The following DST variants were observed in gnomAD, a reference collection of about 807,000 sequenced individuals.
DST encodes the protein dystonin.
A neutral mutation model predicts 875.2 loss-of-function variants in DST; 253 were observed. That is an observed-to-expected ratio of 0.29 (90% confidence interval 0.26 to 0.32). The LOEUF is 0.32. Among genes scored for constraint, DST ranks in the 10% least tolerant of loss-of-function variants. The pLI is 1.00. For missense variants in DST, 8,287 were observed against 9,111.6 expected (o/e 0.91, Z 3.68); for synonymous variants, 3,124 against 3,197.1 (o/e 0.98, Z 0.77).
intron 36 of DST, chr6:56,615,755 T>C (rs2098607934): frequency 6.2e-7 from 1 of 1,614,080 alleles, no homozygotes; most frequent in Non-Finnish European, 8.5e-7. Context: ...TAACCGAGAG[T>C]GAACCTGTGG....
In DST at chr6:56,639,458, A is replaced by T. The variant is rs776009921; in HGVS notation, c.2851T>A (p.Tyr951Asn). ...ACAAAGGGTGTACTTACAGCATGAT[A>T]ATCTTTTTTCCTAGCTATGTTGGTG... is the stretch of plus-strand genomic sequence containing the variant. ...RNTNIARKKD[Y>N]HAELMRELDQ... is the part of the protein sequence containing the mutation. The change falls in exon 21 of 104, where the codon TAT becomes AAT. Residue 951 changes from tyrosine to asparagine, a missense_variant. Physicochemically the swap from Tyr to Asn is moderately radical, Grantham distance 143. Around this residue, in one of 10 missense-constraint regions of DST, gnomAD observed 1,160 missense variants for 1,424.3 expected, o/e 0.81. Transcript: ENST00000680361. 1 of 1,613,810 alleles carries T rather than the reference A, an allele frequency of 6.2e-7. No individual in the cohort carries two copies. The highest frequency in any genetic ancestry group is 8.5e-7 in the Non-Finnish European group (1 of 1,179,886).
Position 56,494,193 on chromosome 6 carries a change from A to ATAT in DST, c.20224-14_20224-13insATA. 6.3e-7 allele frequency: 1 copy of ATAT among 1,590,334 alleles called. No homozygotes were observed. The highest frequency in any genetic ancestry group is 8.6e-7 in the Non-Finnish European group (1 of 1,167,182). ...CAGCACAGACTTCCTAAATTGAGAT[A>ATAT]CCCTCAAGTTATATCACTTTAAGAA... is the stretch of plus-strand genomic sequence containing the variant. On this transcript the variant is annotated splice_polypyrimidine_tract_variant and intron_variant, in intron 82 of 103. Coordinates refer to ENST00000680361, the MANE Select transcript of DST (RefSeq NM_001374736.1).
At chr6:56,875,046 C>T (rs1052384051) in intron 3 of DST, among the ~76,000 whole-genome samples, 5 of 152,204 alleles carry the variant, frequency 3.3e-5, no homozygotes, top group Non-Finnish European at 7.3e-5. Flanking sequence ...TGCAGTGGCG[C>T]GATCTCCGCT....
rs1408526958 is a variant in DST, at chr6:56,463,556, G to C, written c.22959+9C>G. 5 of 1,557,904 alleles carry C rather than the reference G, an allele frequency of 3.2e-6. No homozygotes were observed. Among genetic ancestry groups the C allele is most frequent in the Non-Finnish European group, 4.3e-6 (5 of 1,153,870 alleles). ...AAGGTGGAGGAAAAGTCTTCATCCT[G>C]AGTCTTACCTTGGGTGTGGTGGTGG... On this transcript the variant is annotated intron_variant, in intron 101 of 103. Coordinates refer to ENST00000680361, the MANE Select transcript of DST (RefSeq NM_001374736.1).
At chr6:56,698,830 CA>C (rs1355232151) in intron 9 of DST, among the ~76,000 whole-genome samples, 1 of 152,104 alleles carries the variant, frequency 6.6e-6, no homozygotes, top group Non-Finnish European at 1.5e-5. Flanking sequence ...ATTTTAGATT[CA>C]GGGGGTACAA....
intron 55 of DST, among the ~76,000 whole-genome samples, chr6:56,565,124 T>C (rs974298019): frequency 2.0e-5 from 3 of 148,888 alleles, no homozygotes; most frequent in Admixed American, 6.6e-5. Flanking sequence ...TTTTTTTTTT[T>C]CTTTTTTTTT....
intron 3 of DST, among the ~76,000 whole-genome samples, chr6:56,879,472 GAA>G (rs34105940): frequency 7.1e-6 from 1 of 140,150 alleles, no homozygotes; most frequent in African/African-American, 2.6e-5. Flanking sequence ...CTTCGTCTCG[GAA>G]AAAAAAAAAA....
At chr6:56,565,674 G>A (rs565488727) in intron 55 of DST, among the ~76,000 whole-genome samples, 7 of 152,314 alleles carry the variant, frequency 4.6e-5, no homozygotes, top group East Asian at 3.9e-4. Flanking sequence ...AGGCACAGGC[G>A]TCAGGAACCC....
rs759869229 is a variant in DST at position 56,609,281 on chromosome 6, C to T, written c.5347G>A (p.Ala1783Thr). ...TTGEVLSVFQ[A>T]VLRGLIDYDT... The stretch of plus-strand genomic sequence containing the variant: ...TAGTCAATGAGGCCTCTTAAAACTG[C>T]TTGAAAGACTGAAAGGACTTCTCCA... The change falls in exon 40 of 104, where the codon GCA becomes ACA. Residue 1783 changes from alanine (A) to threonine (T), a missense_variant. This residue lies in a region of DST where 3,138 missense variants were observed against 3,116.6 expected (regional missense o/e 1.01). Transcript: ENST00000680361. The T allele has an allele frequency of 3.2e-5, 51 of 1,613,410 alleles. No homozygotes were observed. In the South Asian group the frequency reaches 5.4e-4, roughly 17 times the overall value.
At chr6:56,472,255 T>C in intron 93 of DST, 33 bp from the exon 94 acceptor site, 1 of 1,604,424 alleles carries the variant, frequency 6.2e-7, no homozygotes, top group Non-Finnish European at 8.5e-7. Flanking sequence ...AGGATGGCAG[T>C]TTCCAGGGTG....
rs1192252248 is a variant in DST at position 56,567,556 on chromosome 6, T to TAA, written c.14005+911_14005+912dup. 2.7e-5 allele frequency among the ~76,000 whole-genome samples: 4 copies of TAA among 148,704 alleles called. No homozygotes were observed. In the East Asian group the frequency reaches 5.8e-4, roughly 22 times the overall value. ...TAAAGCACAGTAGAATTCCTCTTCT[T>TAA]AAAAAAAAAACAACAAAACTTCACA... On this transcript the variant is annotated intron_variant, in intron 55 of 103. Transcript: ENST00000680361.
At chr6:56,950,391 C>T (rs9396239) in intron 2 of DST, among the ~76,000 whole-genome samples, 1 of 152,106 alleles carries the variant, frequency 6.6e-6, no homozygotes, top group East Asian at 1.9e-4. Flanking sequence ...CTCCCAAGAC[C>T]CTTTCTTATA....
At chr6:56,753,795 G>C (rs561308860) in intron 4 of DST, among the ~76,000 whole-genome samples, 78 of 152,288 alleles carry the variant, frequency 5.1e-4, no homozygotes, top group African/African-American at 1.8e-3. Flanking sequence ...AAAATGAAAT[G>C]AGTAAGCACA....
chr6:56,736,549 T>C (rs1450933680), intron 4 of DST, among the ~76,000 whole-genome samples: 1 of 152,170 alleles, frequency 6.6e-6, no homozygotes, highest in African/African-American at 2.4e-5. Flanking sequence ...TCTTTCCTCT[T>C]CTACCACAAT....
rs376888650 is a variant in DST at position 56,529,538 on chromosome 6, G to A, written c.17505C>T (p.Asn5835=). ...GTTTGTCATGCACTTCATTCAGCCA[G>A]TTCATCAGTTCAACTTCATCTTCCC... The part of the protein sequence containing the change: ...IFGEDEVELM[N]WLNEVHDKLS... Residue 5835 remains asparagine (N), a synonymous_variant, in exon 66 of 104, where the codon AAC becomes AAT. Transcript: ENST00000680361. The A allele has an allele frequency of 1.6e-5, 26 of 1,613,414 alleles. No homozygotes were observed. In the African/African-American group the frequency reaches 3.1e-4, roughly 19 times the overall value.
chr6:56,953,945 ACATC>A, intron 1 of DST, 126 bp from the exon 2 acceptor site: 1 of 514,442 alleles, frequency 1.9e-6, no homozygotes, highest in South Asian at 1.8e-5. Flanking sequence ...ATTCGGTGGG[ACATC>A]CTGGGGGAGG....
intron 4 of DST, among the ~76,000 whole-genome samples, chr6:56,766,696 A>G (rs2099634257): frequency 6.6e-6 from 1 of 151,994 alleles, no homozygotes; most frequent in African/African-American, 2.4e-5. Flanking sequence ...ATGCCCAGCT[A>G]ATTTTTGCAC....
intron 58 of DST, among the ~76,000 whole-genome samples, chr6:56,558,471 T>C (rs188973318): frequency 6.6e-6 from 1 of 152,204 alleles, no homozygotes. Context: ...TATCTGAAAT[T>C]CTGCATTTCT....
intron 4 of DST, among the ~76,000 whole-genome samples, chr6:56,752,001 A>G (rs1203617537): frequency 6.6e-6 from 1 of 152,208 alleles, no homozygotes; most frequent in Non-Finnish European, 1.5e-5. Flanking sequence ...GGCTTGAATC[A>G]CAACTCTTAT....
Sources: allele counts gnomAD v4.1 joint callset (sites outside exome capture counted in the v4.1 genomes callset), GRCh38; gene constraint gnomAD v4.1.1; regional missense constraint gnomAD v4.1.1; transcripts MANE v1.5; gene names NCBI Gene and HGNC (gene_info 2026-07-23, HGNC 2026-07-21).